DAP: variants seen among roughly 807,000 people sequenced by gnomAD.
The protein encoded by DAP is death-associated protein 1.
Under a neutral mutation model 13.8 loss-of-function variants are expected in DAP, and 8 were observed. The ratio of observed to expected loss-of-function variants is 0.58; its 90% CI spans 0.34 to 1.05. The LOEUF (loss-of-function observed/expected upper bound fraction) is 1.05. Ranked by LOEUF, DAP falls within the 50% of genes least tolerant of loss-of-function variation. DAP has a pLI of 0.03. For missense variants in DAP, 106 were observed against 133.2 expected (o/e 0.80, Z 1.01); for synonymous variants, 47 against 47.5 (o/e 0.99, Z 0.04).
chr5:10,738,998 C>T (rs769135934), intron 2 of DAP, among the ~76,000 whole-genome samples: 2 of 151,588 alleles, frequency 1.3e-5, no homozygotes, highest in East Asian at 1.9e-4. Flanking sequence ...GTCAGGAGAT[C>T]GAGACCATCC....
chr5:10,709,820 C>T (rs965104106), intron 2 of DAP, among the ~76,000 whole-genome samples: 1 of 152,218 alleles, frequency 6.6e-6, no homozygotes, highest in Non-Finnish European at 1.5e-5. Context: ...GGGAATACCC[C>T]CAAAGGGAAG....
Position 10,680,349 on chromosome 5 carries a change from TGGG to T in DAP, c.*704_*706del. 4.1e-6 allele frequency: 1 copy of T among 244,566 alleles called. No individual in the cohort carries two copies. 15.1% of individuals were successfully genotyped at this position (244,566 alleles called of 1,614,324 possible). ...GCTTGATCTCCTGGTGGAGCCTGTCTGGGCTGAGGCGATGCTGGGCTTGCCGTG... is the reference window on the plus strand; with the variant it reads ...GCTTGATCTCCTGGTGGAGCCTGTCTCTGAGGCGATGCTGGGCTTGCCGTG... On this transcript the variant is annotated 3_prime_UTR_variant, in exon 4 of 4. Coordinates refer to ENST00000230895, the MANE Select transcript of DAP (RefSeq NM_004394.3).
At position 10,760,994 on chromosome 5, in the gene DAP, G is replaced by A. The variant is rs575523678; in HGVS notation, c.55+20C>T. 1.6e-5 allele frequency: 19 copies of A among 1,225,728 alleles called. No individual in the cohort carries two copies. Among genetic ancestry groups the A allele is most frequent in the African/African-American group, 4.7e-5 (3 of 63,530 alleles). 75.9% of individuals were successfully genotyped at this position (1,225,728 alleles called of 1,614,324 possible). ...CGCCCCCGGCACCCGCGCGTGGAGAGAGAGGAAAAGAGTCAGTACCGGCGG... is the reference window on the plus strand; with the variant it reads ...CGCCCCCGGCACCCGCGCGTGGAGAAAGAGGAAAAGAGTCAGTACCGGCGG... On this transcript the variant is annotated intron_variant, in intron 1 of 3. Coordinates refer to ENST00000230895, the MANE Select transcript of DAP (RefSeq NM_004394.3).
At chr5:10,722,418 C>T (rs1330977881) in intron 2 of DAP, among the ~76,000 whole-genome samples, 1 of 152,054 alleles carries the variant, frequency 6.6e-6, no homozygotes, top group Non-Finnish European at 1.5e-5. Flanking sequence ...TCTTCTTGCT[C>T]CTCAAGCTTG....
chr5:10,740,422 A>G (rs571468294), intron 2 of DAP, among the ~76,000 whole-genome samples: 1 of 152,374 alleles, frequency 6.6e-6, no homozygotes, highest in African/African-American at 2.4e-5. Context: ...ACACCAAACC[A>G]TAGATAAAAA....
At chr5:10,742,961 T>C (rs1259758217) in intron 2 of DAP, among the ~76,000 whole-genome samples, 3 of 140,042 alleles carry the variant, frequency 2.1e-5, no homozygotes, top group African/African-American at 8.6e-5. Flanking sequence ...ATCTATCCAT[T>C]CAGAACCATA....
At chr5:10,737,770 C>T (rs1739653408) in intron 2 of DAP, among the ~76,000 whole-genome samples, 1 of 152,148 alleles carries the variant, frequency 6.6e-6, no homozygotes, top group South Asian at 2.1e-4. Context: ...CTTGTGTCCT[C>T]CAAAAAAGGC....
At chr5:10,750,865 T>G (rs528892685) in intron 1 of DAP, among the ~76,000 whole-genome samples, 37 of 152,184 alleles carry the variant, frequency 2.4e-4, no homozygotes, top group Non-Finnish European at 4.7e-4. Flanking sequence ...AGCAACCCTC[T>G]GGGGAGATGC....
chr5:10,691,182 T>C (rs1415766837), intron 2 of DAP, among the ~76,000 whole-genome samples: 1 of 152,238 alleles, frequency 6.6e-6, no homozygotes, highest in African/African-American at 2.4e-5. Flanking sequence ...TAAGGACATA[T>C]GGCAGCTGCC....
At chr5:10,748,417 C>T (rs1739966410) in intron 1 of DAP, 146 bp from the exon 2 acceptor site, 2 of 659,348 alleles carry the variant, frequency 3.0e-6, no homozygotes, top group Non-Finnish European at 5.5e-6. Context: ...TAGGGAAGGT[C>T]AGGGTTGTCG....
At chr5:10,758,287 A>C (rs1277589660) in intron 1 of DAP, among the ~76,000 whole-genome samples, 1 of 151,692 alleles carries the variant, frequency 6.6e-6, no homozygotes, top group Admixed American at 6.6e-5. Context: ...AGAACACCAG[A>C]GCTTCCTGCC....
At chr5:10,695,843 CA>C (rs1460910019) in intron 2 of DAP, among the ~76,000 whole-genome samples, 4 of 152,004 alleles carry the variant, frequency 2.6e-5, no homozygotes, top group African/African-American at 9.7e-5. Flanking sequence ...ATTGTTGATC[CA>C]GATGTCAAAA....
In DAP at chr5:10,748,287, A is replaced by G. The variant is rs1180361236; in HGVS notation, c.56-16T>C. 1 of 1,608,900 alleles carries G rather than the reference A, an allele frequency of 6.2e-7. No homozygotes were observed. Among genetic ancestry groups the G allele is most frequent in the Admixed American group, 1.7e-5 (1 of 60,006 alleles). Reference sequence around the variant, plus strand: ...CCAGCTTTCACTGAAATGAAAACAGAGAGTGTGGGATTAATGTGGAAATGG... The same window carrying G: ...CCAGCTTTCACTGAAATGAAAACAGGGAGTGTGGGATTAATGTGGAAATGG... On this transcript the variant is annotated splice_polypyrimidine_tract_variant and intron_variant, in intron 1 of 3. Coordinates refer to ENST00000230895, the MANE Select transcript of DAP (RefSeq NM_004394.3).
At chr5:10,728,812 T>C (rs375812830) in intron 2 of DAP, among the ~76,000 whole-genome samples, 15 of 152,098 alleles carry the variant, frequency 9.9e-5, no homozygotes, top group East Asian at 3.9e-4. Flanking sequence ...TGTGAATGAA[T>C]TGGGGGGAGA....
At chr5:10,725,960 T>A (rs1739278805) in intron 2 of DAP, among the ~76,000 whole-genome samples, 1 of 152,230 alleles carries the variant, frequency 6.6e-6, no homozygotes, top group Non-Finnish European at 1.5e-5. Flanking sequence ...AAGGTAGCTG[T>A]ATTTGCTGTT....
chr5:10,747,311 T>G (rs1035381519), intron 2 of DAP, among the ~76,000 whole-genome samples: 3 of 152,236 alleles, frequency 2.0e-5, no homozygotes, highest in African/African-American at 7.2e-5. Flanking sequence ...TCAAGGTCCC[T>G]GAACCCAACT....
intron 2 of DAP, among the ~76,000 whole-genome samples, chr5:10,700,862 C>A (rs75490512): frequency 0.01 from 1,525 of 152,366 alleles, 35 homozygotes; most frequent in African/African-American, 0.034. Flanking sequence ...GATGGCCCTA[C>A]TGTTTTACAT....
chr5:10,722,603 T>TACATATATAC (rs1389701944), intron 2 of DAP, among the ~76,000 whole-genome samples: 1 of 149,046 alleles, frequency 6.7e-6, no homozygotes, highest in African/African-American at 2.5e-5. Flanking sequence ...TACATATATA[T>TACATATATAC]ACATATATAC....
Position 10,681,154 on chromosome 5 carries a change from G to T in DAP, c.211C>A (p.Pro71Thr). The T allele has an allele frequency of 6.6e-7, 1 of 1,512,452 alleles. No homozygotes were observed. Among genetic ancestry groups the T allele is most frequent in the South Asian group, 1.4e-5 (1 of 73,420 alleles). 93.7% of individuals were successfully genotyped at this position (1,512,452 alleles called of 1,614,324 possible). Residue 71 changes from proline to threonine, a missense_variant, in exon 4 of 4, where the codon CCC becomes ACC. Coordinates refer to ENST00000230895, the MANE Select transcript of DAP (RefSeq NM_004394.3). ...GVIARGDKDFPPAAAQVAHQK... is the reference protein window; with the variant it reads ...GVIARGDKDFTPAAAQVAHQK... ...TGAGCCACCTGCGCAGCCGCCGGGGGGAAATCTTTGTCACCCTGTCAGGAA... is the reference window on the plus strand; with the variant it reads ...TGAGCCACCTGCGCAGCCGCCGGGGTGAAATCTTTGTCACCCTGTCAGGAA...
Sources: gnomAD v4.1 joint callset for allele counts (sites outside exome capture counted in the v4.1 genomes callset) on GRCh38, gnomAD v4.1.1 for gene constraint, MANE v1.5 for transcripts, NCBI Gene and HGNC (gene_info 2026-07-23, HGNC 2026-07-21) for gene names.